Variants in RFTN1 observed in about 807,000 individuals in gnomAD.
The protein encoded by RFTN1 is raftlin.
In RFTN1, 26 loss-of-function variants were observed where a neutral mutation model predicts 46.5. The ratio of observed to expected loss-of-function variants is 0.56; its 90% CI spans 0.41 to 0.78. The LOEUF is 0.78. Ranked by LOEUF, RFTN1 falls within the 30% of genes least tolerant of loss-of-function variation. RFTN1 has a pLI of 0.00. For synonymous variants in RFTN1, 261 were observed against 284.2 expected (o/e 0.92, Z 0.82); for missense variants, 693 against 718.7 (o/e 0.96, Z 0.41).
rs2075931042 is a variant in RFTN1 at position 16,457,508 on chromosome 3, C to A, written c.146-23471G>T. On this transcript the variant is annotated intron_variant, in intron 2 of 9. Transcript: ENST00000334133. This position sits in a 1 kb window ranked among gnomAD's most constrained non-coding sequence, Gnocchi z 4.2. ...TTCTTTTACGATATACAAGGCATCC[C>A]AAAAGTCTCAATACAGTTTTATGCT... is the stretch of plus-strand genomic sequence containing the variant. Among the ~76,000 whole-genome samples the A allele has an allele frequency of 6.6e-6, 1 of 152,114 alleles. No homozygotes were observed. The highest frequency in any genetic ancestry group is 2.1e-4 in the South Asian group (1 of 4,816).
In RFTN1 at chr3:16,473,199, A is replaced by G. The variant is rs142519556; in HGVS notation, c.145+20526T>C. ...ATTCCTTCAGCACAATTAGGTCAACACTGTTGACCACAGTATACCACCTCC... is the reference window on the plus strand; with the variant it reads ...ATTCCTTCAGCACAATTAGGTCAACGCTGTTGACCACAGTATACCACCTCC... On this transcript the variant is annotated intron_variant, in intron 2 of 9. Coordinates refer to ENST00000334133, the MANE Select transcript of RFTN1 (RefSeq NM_015150.2). The surrounding 1 kb of genome is among the most constrained non-coding windows in gnomAD (Gnocchi z 5.3). Among the ~76,000 whole-genome samples the G allele has an allele frequency of 6.6e-6, 1 of 152,266 alleles. No individual in the cohort carries two copies. Among genetic ancestry groups the G allele is most frequent in the East Asian group, 1.9e-4 (1 of 5,186 alleles).
intron 2 of RFTN1, among the ~76,000 whole-genome samples, chr3:16,438,791 A>G (rs2075565443): frequency 2.6e-5 from 4 of 151,970 alleles, no homozygotes; most frequent in Admixed American, 2.0e-4. Flanking sequence ...ACACAAAACA[A>G]TCACAGGCGG....
rs2073788217 is a variant in RFTN1 at position 16,376,731 on chromosome 3, T to C, written c.826+987A>G. Among the ~76,000 whole-genome samples the C allele has an allele frequency of 6.6e-6, 1 of 152,210 alleles. No homozygotes were observed. The highest frequency in any genetic ancestry group is 2.4e-5 in the African/African-American group (1 of 41,454). Reference sequence around the variant, plus strand: ...AACTGACGCAGCTCCAATATCTCCCTCTAAATCAACTTTGCAAATAAGCCC... The same window carrying C: ...AACTGACGCAGCTCCAATATCTCCCCCTAAATCAACTTTGCAAATAAGCCC... On this transcript the variant is annotated intron_variant, in intron 5 of 9. Coordinates refer to ENST00000334133, the MANE Select transcript of RFTN1 (RefSeq NM_015150.2). The surrounding 1 kb of genome is among the most constrained non-coding windows in gnomAD (Gnocchi z 4.7).
At chr3:16,359,997 G>A (rs2072722189) in intron 6 of RFTN1, among the ~76,000 whole-genome samples, 1 of 152,002 alleles carries the variant, frequency 6.6e-6, no homozygotes, top group African/African-American at 2.4e-5. Flanking sequence ...TCATCAGCAT[G>A]AGAAAATTAT....
In RFTN1 at chr3:16,330,264, C is replaced by G. The variant is rs367592620; in HGVS notation, c.1147-3388G>C. ...TGTTGCACTCTGCCAGACTCTCCCA[C>G]TCCGACTATTTGGAATGGTCTTGGC... On this transcript the variant is annotated intron_variant, in intron 7 of 9. Coordinates refer to ENST00000334133, the MANE Select transcript of RFTN1 (RefSeq NM_015150.2). Among the ~76,000 whole-genome samples the G allele has an allele frequency of 7.2e-5, 11 of 152,334 alleles. No individual in the cohort carries two copies. The South Asian group carries it at 2.3e-3, about 32-fold the overall frequency.
chr3:16,397,290 A>C (rs1027919479), intron 4 of RFTN1, among the ~76,000 whole-genome samples: 3 of 99,552 alleles, frequency 3.0e-5, no homozygotes, highest in African/African-American at 1.8e-4. Context: ...ATGTGGAATC[A>C]AAAAAAAGAA....
At position 16,320,175 on chromosome 3, in the gene RFTN1, G is replaced by C. The variant is rs2068884483; in HGVS notation, c.1333-2943C>G. On this transcript the variant is annotated intron_variant, in intron 9 of 9. Transcript: ENST00000334133. The surrounding 1 kb of genome is among the most constrained non-coding windows in gnomAD (Gnocchi z 4.5). Reference sequence around the variant, plus strand: ...GCCCATGATGTGTCCACTTCAAGTAGTTTAGCTGGAAGGAAGTCTTCCCGA... The same window carrying C: ...GCCCATGATGTGTCCACTTCAAGTACTTTAGCTGGAAGGAAGTCTTCCCGA... Among the ~76,000 whole-genome samples the C allele has an allele frequency of 6.6e-6, 1 of 152,218 alleles. No individual in the cohort carries two copies. The highest frequency in any genetic ancestry group is 1.5e-5 in the Non-Finnish European group (1 of 68,032).
At chr3:16,378,243 A>G (rs113469341) in intron 4 of RFTN1, 141 bp from the exon 5 acceptor site, 31 of 685,440 alleles carry the variant, frequency 4.5e-5, no homozygotes, top group African/African-American at 4.1e-4. Context: ...CAGGAACTCC[A>G]TGTCCTCAGG....
Position 16,448,721 on chromosome 3 carries a change from G to A in RFTN1, c.146-14684C>T, listed in dbSNP as rs1385491505. 1.3e-5 allele frequency among the ~76,000 whole-genome samples: 2 copies of A among 152,162 alleles called. No individual in the cohort carries two copies. The highest frequency in any genetic ancestry group is 2.9e-5 in the Non-Finnish European group (2 of 68,030). On this transcript the variant is annotated intron_variant, in intron 2 of 9. Transcript: ENST00000334133. The surrounding 1 kb of genome is among the most constrained non-coding windows in gnomAD (Gnocchi z 4.1). ...CTTCTAAAATGTTTACCTCTCAGGAGCCACTGCGTTCCCGACCTTCTTCTG... is the reference window on the plus strand; with the variant it reads ...CTTCTAAAATGTTTACCTCTCAGGAACCACTGCGTTCCCGACCTTCTTCTG...
chr3:16,497,820 C>T (rs1159045955), intron 1 of RFTN1, among the ~76,000 whole-genome samples: 4 of 152,188 alleles, frequency 2.6e-5, no homozygotes, highest in Non-Finnish European at 5.9e-5. Flanking sequence ...GCCACTACCA[C>T]TTTAGTTTGA....
intron 2 of RFTN1, among the ~76,000 whole-genome samples, chr3:16,435,178 A>G (rs1401507552): frequency 2.0e-5 from 3 of 152,262 alleles, no homozygotes; most frequent in African/African-American, 7.2e-5. Flanking sequence ...GAATTCATAC[A>G]AAAGTGAACA....
At position 16,321,790 on chromosome 3, in the gene RFTN1, C is replaced by G. The variant is rs1208615715; in HGVS notation, c.1332+1586G>C. On this transcript the variant is annotated intron_variant, in intron 9 of 9. Coordinates refer to ENST00000334133, the MANE Select transcript of RFTN1 (RefSeq NM_015150.2). The surrounding 1 kb of genome is among the most constrained non-coding windows in gnomAD (Gnocchi z 4.8). ...CTGAAAAAACAGTGGGTCCCATCCT[C>G]TCTGAATTTTCCCTGAGGAGAGTCA... 6.6e-6 allele frequency among the ~76,000 whole-genome samples: 1 copy of G among 152,232 alleles called. No individual in the cohort carries two copies. The highest frequency in any genetic ancestry group is 2.4e-5 in the African/African-American group (1 of 41,454).
In RFTN1 at chr3:16,376,059, T is replaced by C. The variant is rs2073757425; in HGVS notation, c.826+1659A>G. On this transcript the variant is annotated intron_variant, in intron 5 of 9. Coordinates refer to ENST00000334133, the MANE Select transcript of RFTN1 (RefSeq NM_015150.2). This position sits in a 1 kb window ranked among gnomAD's most constrained non-coding sequence, Gnocchi z 4.7. ...GTCTGGAAGGAGTATCGGAGGAAGG[T>C]GGGCTCTGGAACACAGGAAGCATCT... is the stretch of plus-strand genomic sequence containing the variant. 6.6e-6 allele frequency among the ~76,000 whole-genome samples: 1 copy of C among 152,110 alleles called. No homozygotes were observed. The highest frequency in any genetic ancestry group is 2.4e-5 in the African/African-American group (1 of 41,392).
In RFTN1 at chr3:16,396,820, C is replaced by T. The variant is rs922041018; in HGVS notation, c.441+12555G>A. On this transcript the variant is annotated intron_variant, in intron 4 of 9. Coordinates refer to ENST00000334133, the MANE Select transcript of RFTN1 (RefSeq NM_015150.2). Reference sequence around the variant, plus strand: ...GCTCACACCTGTAATCCCAGCACTTCGGGAAGCTGAGGTGGGCGGATCACC... The same window carrying T: ...GCTCACACCTGTAATCCCAGCACTTTGGGAAGCTGAGGTGGGCGGATCACC... Among the ~76,000 whole-genome samples the T allele has an allele frequency of 5.9e-5, 9 of 152,142 alleles. No individual in the cohort carries two copies. The East Asian group carries it at 1.7e-3, about 29-fold the overall frequency.
intron 4 of RFTN1, among the ~76,000 whole-genome samples, chr3:16,404,100 TATATATA>T (rs2074746812): frequency 2.3e-3 from 1 of 430 alleles, no homozygotes; most frequent in African/African-American, 0.014. Flanking sequence ...TATTATATAT[TATATATA>T]ATATATAATA....
At position 16,475,443 on chromosome 3, in the gene RFTN1, G is replaced by A. The variant is rs931196590; in HGVS notation, c.145+18282C>T. Among the ~76,000 whole-genome samples the A allele has an allele frequency of 6.6e-6, 1 of 152,200 alleles. No homozygotes were observed. The highest frequency in any genetic ancestry group is 2.4e-5 in the African/African-American group (1 of 41,458). Reference sequence around the variant, plus strand: ...CAATGGTTTTACTGAACTAGAAGTTGAGATTGCCCCTTGGCTATTTTAGAC... The same window carrying A: ...CAATGGTTTTACTGAACTAGAAGTTAAGATTGCCCCTTGGCTATTTTAGAC... On this transcript the variant is annotated intron_variant, in intron 2 of 9. Coordinates refer to ENST00000334133, the MANE Select transcript of RFTN1 (RefSeq NM_015150.2). The surrounding 1 kb of genome is among the most constrained non-coding windows in gnomAD (Gnocchi z 4.2).
At chr3:16,493,655 AC>A in intron 2 of RFTN1, 69 bp downstream of exon 2, 2 of 1,223,764 alleles carry the variant, frequency 1.6e-6, no homozygotes, top group Non-Finnish European at 2.2e-6. Flanking sequence ...CTCCAACTGC[AC>A]CCCCATCCCC....
In RFTN1 at chr3:16,410,483, AAAG is replaced by A. The variant is rs2074962320; in HGVS notation, c.333-1003_333-1001del. 1.3e-5 allele frequency among the ~76,000 whole-genome samples: 2 copies of A among 152,174 alleles called. No homozygotes were observed. The highest frequency in any genetic ancestry group is 4.8e-5 in the African/African-American group (2 of 41,436). On this transcript the variant is annotated intron_variant, in intron 3 of 9. Coordinates refer to ENST00000334133, the MANE Select transcript of RFTN1 (RefSeq NM_015150.2). The surrounding 1 kb of genome is among the most constrained non-coding windows in gnomAD (Gnocchi z 4.6). ...CCTAATTGTTTTCATTTTTAAATGA[AAAG>A]AATATATTCCTATATCACTTAGAAA...
chr3:16,369,982 T>C, intron 6 of RFTN1, 94 bp downstream of exon 6: 1 of 1,180,990 alleles, frequency 8.5e-7, no homozygotes, highest in Middle Eastern at 2.1e-4. Context: ...CAGAGCTTTC[T>C]GAATGAAGCA....
Sources: gnomAD v4.1 joint callset for allele counts (sites outside exome capture counted in the v4.1 genomes callset) on GRCh38, gnomAD v4.1.1 for gene constraint, Gnocchi (gnomAD v3.1) non-coding constraint, MANE v1.5 for transcripts, NCBI Gene and HGNC (gene_info 2026-07-23, HGNC 2026-07-21) for gene names.